Variants in PIK3C2B observed in about 807,000 individuals in gnomAD.
PIK3C2B encodes the protein phosphatidylinositol 4-phosphate 3-kinase C2 domain-containing subunit beta.
PIK3C2B carries 83 observed loss-of-function variants against 184.3 expected under a neutral mutation model. That is an observed-to-expected ratio of 0.45 (90% CI 0.38 to 0.54). The LOEUF (loss-of-function observed/expected upper bound fraction) is 0.54, where lower values mean the gene tolerates loss of function less well. Among genes scored for constraint, PIK3C2B ranks in the 20% least tolerant of loss-of-function variants. The pLI, the probability that PIK3C2B is intolerant of heterozygous loss-of-function variation, is 0.00. For synonymous variants in PIK3C2B, 779 were observed against 837.6 expected (o/e 0.93, Z 1.21); for missense variants, 1,736 against 2,113.5 (o/e 0.82, Z 3.50).
chr1:204,484,945 G>A (rs1657466244), intron 1 of PIK3C2B, among the ~76,000 whole-genome samples: 1 of 152,112 alleles, frequency 6.6e-6, no homozygotes, highest in African/African-American at 2.4e-5. Context: ...TCATATAGCT[G>A]GTCAGTGATA....
chr1:204,455,393 C>CT (rs541896217), intron 11 of PIK3C2B, among the ~76,000 whole-genome samples: 154 of 152,280 alleles, frequency 1.0e-3, no homozygotes, highest in South Asian at 6.8e-3. Context: ...GCCTTGGATG[C>CT]TGGGGACCCA....
chr1:204,489,909 C>A (rs1429156612), intron 1 of PIK3C2B: 3 of 395,366 alleles, frequency 7.6e-6, no homozygotes, highest in East Asian at 7.1e-5. Context: ...TTATAACTTA[C>A]GGTTTGCTGC....
At chr1:204,441,321 C>T in intron 21 of PIK3C2B, 150 bp downstream of exon 21, 1 of 568,004 alleles carries the variant, frequency 1.8e-6, no homozygotes, top group Non-Finnish European at 3.2e-6. Context: ...CAGAATTCAT[C>T]TAAATCCTTT....
chr1:204,484,096 G>C (rs1435805203), intron 1 of PIK3C2B, among the ~76,000 whole-genome samples: 2 of 152,226 alleles, frequency 1.3e-5, no homozygotes, highest in African/African-American at 2.4e-5. Flanking sequence ...TGGTGAAAGG[G>C]AAAGAGAAGG....
At chr1:204,468,163 A>G (rs1242826138) in intron 2 of PIK3C2B, among the ~76,000 whole-genome samples, 2 of 152,224 alleles carry the variant, frequency 1.3e-5, no homozygotes, top group African/African-American at 4.8e-5. Context: ...CGACAATGTG[A>G]ATGTCGTCAG....
chr1:204,435,675 C>T (rs1383842973), intron 23 of PIK3C2B: 1 of 152,194 alleles, frequency 6.6e-6, no homozygotes, highest in Non-Finnish European at 1.5e-5. Flanking sequence ...TTTGCCCTTT[C>T]AGTCCCATGG....
In PIK3C2B at chr1:204,433,132, G is replaced by A. The variant is rs1264372659; in HGVS notation, c.3953+184C>T. Reference sequence around the variant, plus strand: ...AAAACACAGATGGGAAACCAAGGCTGAGAGAAGCAAAATGATTTACCTAAA... The same window carrying A: ...AAAACACAGATGGGAAACCAAGGCTAAGAGAAGCAAAATGATTTACCTAAA... On this transcript the variant is annotated intron_variant, in intron 26 of 32. Coordinates refer to ENST00000684373, the MANE Select transcript of PIK3C2B (RefSeq NM_001377334.1). This position sits in a 1 kb window ranked among gnomAD's most constrained non-coding sequence, Gnocchi z 5.0. 6.6e-6 allele frequency among the ~76,000 whole-genome samples: 1 copy of A among 152,216 alleles called. No homozygotes were observed. Among genetic ancestry groups the A allele is most frequent in the Non-Finnish European group, 1.5e-5 (1 of 68,038 alleles).
intron 5 of PIK3C2B, 118 bp downstream of exon 5, chr1:204,463,894 A>T: frequency 9.8e-7 from 1 of 1,016,694 alleles, no homozygotes; most frequent in Non-Finnish European, 1.5e-6. Context: ...AGAAAGCAGG[A>T]GTCTTGACTG....
rs751507560 is a variant in PIK3C2B at position 204,468,855 on chromosome 1, C to A, written c.933+15G>T. ...TGGAGAAAGGAAGGCAGAAGAAACACAAGAAGGTCCTCACCGGGGCTGCAG... is the reference window on the plus strand; with the variant it reads ...TGGAGAAAGGAAGGCAGAAGAAACAAAAGAAGGTCCTCACCGGGGCTGCAG... On this transcript the variant is annotated intron_variant, in intron 2 of 32. Coordinates refer to ENST00000684373, the MANE Select transcript of PIK3C2B (RefSeq NM_001377334.1). The A allele has an allele frequency of 2.2e-5, 34 of 1,555,792 alleles. No individual in the cohort carries two copies. In the Admixed American group the frequency reaches 5.5e-4, roughly 25 times the overall value.
intron 16 of PIK3C2B, 34 bp downstream of exon 16, chr1:204,445,920 AAC>A (rs774201501): frequency 6.3e-6 from 9 of 1,423,162 alleles, no homozygotes; most frequent in Non-Finnish European, 8.4e-6. Context: ...CTTCTACAAG[AAC>A]ACATAGTCAG....
At chr1:204,470,292 C>A (rs912708546) in intron 1 of PIK3C2B, among the ~76,000 whole-genome samples, 1 of 152,036 alleles carries the variant, frequency 6.6e-6, no homozygotes, top group African/African-American at 2.4e-5. Flanking sequence ...CTCAGCCTCC[C>A]TAGTAGCTGG....
At chr1:204,443,172 T>C (rs1653523624) in intron 19 of PIK3C2B, among the ~76,000 whole-genome samples, 1 of 152,242 alleles carries the variant, frequency 6.6e-6, no homozygotes, top group Non-Finnish European at 1.5e-5. Flanking sequence ...CTTACACAAC[T>C]GTGCTTAGCC....
chr1:204,461,139 G>A (rs969436679), intron 5 of PIK3C2B, among the ~76,000 whole-genome samples: 10 of 152,144 alleles, frequency 6.6e-5, no homozygotes, highest in African/African-American at 2.4e-4. Context: ...GGGTGCTGAG[G>A]CCAAAAAAAC....
intron 27 of PIK3C2B, 139 bp downstream of exon 27, chr1:204,432,061 A>G: frequency 2.6e-6 from 2 of 782,236 alleles, no homozygotes; most frequent in Non-Finnish European, 4.3e-6. Context: ...AGGAGAGGGA[A>G]GTGGTCCAGG....
intron 20 of PIK3C2B, 110 bp downstream of exon 20, chr1:204,442,416 T>A: frequency 1.4e-6 from 1 of 692,264 alleles, no homozygotes; most frequent in Non-Finnish European, 2.6e-6. Context: ...GTTAGCAACA[T>A]ACTGACGCCC....
chr1:204,466,049 A>C (rs1655753002), intron 2 of PIK3C2B, among the ~76,000 whole-genome samples: 1 of 152,202 alleles, frequency 6.6e-6, no homozygotes, highest in African/African-American at 2.4e-5. Context: ...TTCTCAGACA[A>C]GGTCCCAAAC....
At chr1:204,454,066 C>T (rs1305092523) in intron 12 of PIK3C2B, among the ~76,000 whole-genome samples, 6 of 151,990 alleles carry the variant, frequency 3.9e-5, no homozygotes, top group Non-Finnish European at 7.4e-5. Context: ...TAAGCCACCG[C>T]GCCTGGTCAA....
intron 1 of PIK3C2B, among the ~76,000 whole-genome samples, chr1:204,472,555 G>C (rs1188683901): frequency 2.0e-5 from 3 of 151,876 alleles, no homozygotes; most frequent in African/African-American, 7.2e-5. Context: ...GAGGTGGACG[G>C]ATCACCTGAG....
rs753046795 is a variant in PIK3C2B, at chr1:204,460,409, TAAG to T, written c.1423-9_1423-7del. On this transcript the variant is annotated splice_polypyrimidine_tract_variant and splice_region_variant and intron_variant, in intron 6 of 32. Coordinates refer to ENST00000684373, the MANE Select transcript of PIK3C2B (RefSeq NM_001377334.1). ...GGGCTCTGGTCATCATTCACCTGTA[TAAG>T]AAGTGACCTATTCAGAGAGGGGCGG... The T allele has an allele frequency of 3.1e-6, 5 of 1,612,120 alleles. No individual in the cohort carries two copies. The highest frequency in any genetic ancestry group is 1.3e-5 in the African/African-American group (1 of 74,834).
Sources: allele counts gnomAD v4.1 joint callset (sites outside exome capture counted in the v4.1 genomes callset), GRCh38; gene constraint gnomAD v4.1.1; non-coding constraint Gnocchi (gnomAD v3.1); transcripts MANE v1.5; gene names NCBI Gene and HGNC (gene_info 2026-07-23, HGNC 2026-07-21).